The following KRABD5 variants were observed in gnomAD, a reference collection of about 807,000 sequenced individuals.
KRABD5 encodes the protein KRAB domain containing 5, also known as KRAB domain-containing protein 5.
At chr16:31,731,950 T>C in the KRABD5 span, among the ~76,000 whole-genome samples, 2 of 152,120 alleles carry the variant, frequency 1.3e-5, no homozygotes, top group African/African-American at 2.4e-5. Flanking sequence ...TTGACAGAGA[T>C]AGATTTTGCC....
At chr16:31,717,104 C>G in the KRABD5 span, among the ~76,000 whole-genome samples, 29 of 147,626 alleles carry the variant, frequency 2.0e-4, no homozygotes, top group Admixed American at 2.1e-3. Context: ...TCAAGCGATT[C>G]TCCTGCCTAG....
At chr16:31,723,173 A>G in the KRABD5 span, 5 of 1,405,140 alleles carry the variant, frequency 3.6e-6, no homozygotes, top group Non-Finnish European at 4.9e-6. Context: ...ATCCTCTATA[A>G]TGTTCCCTCT....
the KRABD5 span, among the ~76,000 whole-genome samples, chr16:31,735,828 A>C: frequency 6.6e-6 from 1 of 152,130 alleles, no homozygotes. Flanking sequence ...CTCTTGTCAT[A>C]TGTATAGTTT....
chr16:31,758,440 C>T, the KRABD5 span: 1 of 151,206 alleles, frequency 6.6e-6, no homozygotes, highest in African/African-American at 2.4e-5. Flanking sequence ...GGAAGATTCC[C>T]CGAGGAATTC....
the KRABD5 span, among the ~76,000 whole-genome samples, chr16:31,717,250 C>T: frequency 6.6e-6 from 1 of 152,126 alleles, no homozygotes; most frequent in Non-Finnish European, 1.5e-5. Flanking sequence ...CCTGCCTCGG[C>T]CTCCCAAAGT....
chr16:31,748,648 T>C, the KRABD5 span, among the ~76,000 whole-genome samples: 986 of 152,350 alleles, frequency 6.5e-3, 9 homozygotes, highest in African/African-American at 0.023. Context: ...GGAGAGATCT[T>C]GCAATCATTT....
chr16:31,744,026 T>A, the KRABD5 span, among the ~76,000 whole-genome samples: 1 of 152,140 alleles, frequency 6.6e-6, no homozygotes, highest in Non-Finnish European at 1.5e-5. Flanking sequence ...TTTTTTTGGC[T>A]GAGATGACTG....
the KRABD5 span, among the ~76,000 whole-genome samples, chr16:31,737,497 T>C: frequency 6.6e-6 from 1 of 151,804 alleles, no homozygotes; most frequent in Non-Finnish European, 1.5e-5. Flanking sequence ...TTTGTAAATG[T>C]GCAAGGTAAG....
the KRABD5 span, among the ~76,000 whole-genome samples, chr16:31,748,228 C>A: frequency 6.6e-6 from 1 of 152,142 alleles, no homozygotes; most frequent in Non-Finnish European, 1.5e-5. Flanking sequence ...GCTTTCCCAG[C>A]ACCATTTATT....
chr16:31,713,403 C>A, the KRABD5 span: 1 of 1,603,064 alleles, frequency 6.2e-7, no homozygotes, highest in Admixed American at 1.7e-5. Context: ...ATCCGTAGCT[C>A]AGACGCCAGG....
At chr16:31,742,877 C>T in the KRABD5 span, among the ~76,000 whole-genome samples, 1 of 152,140 alleles carries the variant, frequency 6.6e-6, no homozygotes, top group Non-Finnish European at 1.5e-5. Flanking sequence ...GATGGTGTCT[C>T]ATTATGGTTT....
the KRABD5 span, chr16:31,723,165 C>T: frequency 6.1e-6 from 8 of 1,321,318 alleles, no homozygotes; most frequent in South Asian, 6.9e-5. Flanking sequence ...TTTCTAGGAT[C>T]CTCTATAATG....
the KRABD5 span, among the ~76,000 whole-genome samples, chr16:31,718,934 A>G: frequency 2.6e-5 from 4 of 152,242 alleles, no homozygotes; most frequent in Non-Finnish European, 5.9e-5. Flanking sequence ...TGCATCATCC[A>G]GGATTTGTTC....
chr16:31,752,846 A>C, the KRABD5 span, among the ~76,000 whole-genome samples: 1 of 152,190 alleles, frequency 6.6e-6, no homozygotes, highest in East Asian at 1.9e-4. Flanking sequence ...TGACAGTGCA[A>C]GACCTTGTCT....
chr16:31,714,374 A>G, the KRABD5 span: 5 of 456,178 alleles, frequency 1.1e-5, no homozygotes, highest in Non-Finnish European at 2.2e-5. Flanking sequence ...TAGGTCACTG[A>G]ACATCTGACT....
the KRABD5 span, chr16:31,759,555 C>G: frequency 2.3e-6 from 2 of 853,192 alleles, no homozygotes; most frequent in African/African-American, 1.7e-5. Context: ...CAAAAAAAAT[C>G]TTAAAAAAAT....
At chr16:31,756,706 T>C in the KRABD5 span, 1 of 152,308 alleles carries the variant, frequency 6.6e-6, no homozygotes, top group South Asian at 2.1e-4. Context: ...TGAATCATTG[T>C]TTATAAAGTT....
the KRABD5 span, among the ~76,000 whole-genome samples, chr16:31,742,355 C>A: frequency 6.6e-6 from 1 of 152,156 alleles, no homozygotes; most frequent in Admixed American, 6.6e-5. Flanking sequence ...GTTCTCCTCT[C>A]TGTGTCCATG....
the KRABD5 span, among the ~76,000 whole-genome samples, chr16:31,747,136 C>T: frequency 7.5e-6 from 1 of 132,668 alleles, no homozygotes. Flanking sequence ...GCTATCCCTA[C>T]CCCCTCCCCC....
Sources: gnomAD v4.1 joint callset for allele counts (sites outside exome capture counted in the v4.1 genomes callset) on GRCh38, gnomAD v4.1.1 for gene constraint, MANE v1.5 for transcripts, NCBI Gene and HGNC (gene_info 2026-07-23, HGNC 2026-07-21) for gene names.